WNT3A: variants seen among roughly 807,000 people sequenced by gnomAD.
WNT3A encodes Wnt family member 3A, also known as protein Wnt-3a.
In WNT3A, 17 loss-of-function variants were observed where a neutral mutation model predicts 37.0. That is an observed-to-expected ratio of 0.46 (90% CI 0.31 to 0.69). WNT3A has a LOEUF of 0.69. Among genes scored for constraint, WNT3A ranks in the 30% least tolerant of loss-of-function variants. The pLI, the probability that WNT3A is intolerant of heterozygous loss-of-function variation, is 0.05. For synonymous variants in WNT3A, 187 were observed against 211.0 expected (o/e 0.89, Z 0.99); for missense variants, 411 against 510.2 (o/e 0.81, Z 1.87).
chr1:228,053,740 T>C (rs952426255), intron 3 of WNT3A, among the ~76,000 whole-genome samples: 1 of 152,206 alleles, frequency 6.6e-6, no homozygotes, highest in African/African-American at 2.4e-5. Context: ...CTCAATGTTA[T>C]GAGTCATCAA....
At position 228,040,187 on chromosome 1, in the gene WNT3A, T is replaced by C. The variant is rs2031244798; in HGVS notation, c.314-10469T>C. ...GCCCATAATGATGAGTTCAGGGACC[T>C]CTCTTGGGACCCCTCTGTCTGGGCT... is the stretch of plus-strand genomic sequence containing the variant. On this transcript the variant is annotated intron_variant, in intron 2 of 3. Coordinates refer to ENST00000284523, the MANE Select transcript of WNT3A (RefSeq NM_033131.4). Among the ~76,000 whole-genome samples the C allele has an allele frequency of 2.6e-5, 4 of 152,202 alleles. No individual in the cohort carries two copies. In the South Asian group the frequency reaches 8.3e-4, roughly 32 times the overall value.
At chr1:228,013,240 G>A (rs1229030981) in intron 1 of WNT3A, among the ~76,000 whole-genome samples, 4 of 152,088 alleles carry the variant, frequency 2.6e-5, no homozygotes, top group South Asian at 4.1e-4. Context: ...GTTGAGATGG[G>A]GTCTTGCTCC....
intron 2 of WNT3A, among the ~76,000 whole-genome samples, chr1:228,025,487 C>G (rs532982024): frequency 1.3e-5 from 2 of 152,012 alleles, no homozygotes; most frequent in African/African-American, 4.8e-5. Flanking sequence ...TAGCAGGGAC[C>G]ACAGGCATGC....
Position 228,060,072 on chromosome 1 carries a change from GT to G in WNT3A, c.*608del, listed in dbSNP as rs2031769985. 2.5e-6 allele frequency: 3 copies of G among 1,210,752 alleles called. No individual in the cohort carries two copies. The African/African-American group carries it at 4.7e-5, about 19-fold the overall frequency. 75.0% of individuals were successfully genotyped at this position (1,210,752 alleles called of 1,614,324 possible). On this transcript the variant is annotated 3_prime_UTR_variant, in exon 4 of 4. Coordinates refer to ENST00000284523, the MANE Select transcript of WNT3A (RefSeq NM_033131.4). ...ACGGGGGCTGTGGCTCTGGGTGGGC[GT>G]GGCCTGCATAGGCTCCTTCCTGTGG...
intron 2 of WNT3A, among the ~76,000 whole-genome samples, chr1:228,035,537 T>G (rs1341669047): frequency 6.6e-6 from 1 of 152,126 alleles, no homozygotes; most frequent in Non-Finnish European, 1.5e-5. Context: ...GCAGAGAAGG[T>G]AGGACTCCAG....
At chr1:228,025,996 C>G (rs559907258) in intron 2 of WNT3A, among the ~76,000 whole-genome samples, 2 of 151,514 alleles carry the variant, frequency 1.3e-5, no homozygotes, top group South Asian at 2.1e-4. Context: ...TGGGCTCAAG[C>G]AATCCTCTCG....
chr1:228,058,743 T>A (rs745726026), intron 3 of WNT3A, among the ~76,000 whole-genome samples: 1 of 152,202 alleles, frequency 6.6e-6, no homozygotes, highest in Non-Finnish European at 1.5e-5. Flanking sequence ...AGTACTCAGC[T>A]AGGAGACGGG....
At chr1:228,049,511 G>A (rs1180414038) in intron 2 of WNT3A, among the ~76,000 whole-genome samples, 3 of 152,120 alleles carry the variant, frequency 2.0e-5, no homozygotes, top group Non-Finnish European at 4.4e-5. Context: ...GCACAGACAC[G>A]GGTTTCCTCT....
chr1:228,016,173 A>G (rs1276630223), intron 1 of WNT3A, among the ~76,000 whole-genome samples: 1 of 152,138 alleles, frequency 6.6e-6, no homozygotes, highest in Non-Finnish European at 1.5e-5. Context: ...CTGACTCCCC[A>G]GGGACTCAAC....
rs1325415719 is a variant in WNT3A at position 228,060,249 on chromosome 1, C to G, written c.*784C>G. ...AATTCAGCCCACCAGCCACCTCATC[C>G]CCAACCCCCTGTAAGGTTCCATCCA... On this transcript the variant is annotated 3_prime_UTR_variant, in exon 4 of 4. Transcript: ENST00000284523. 5 of 1,351,768 alleles carry G rather than the reference C, an allele frequency of 3.7e-6. No individual in the cohort carries two copies. The highest frequency in any genetic ancestry group is 4.9e-6 in the Non-Finnish European group (5 of 1,021,516). 83.7% of individuals were successfully genotyped at this position (1,351,768 alleles called of 1,614,324 possible). A position where few individuals can be genotyped will look rare whatever the true frequency, so the allele number is the denominator to read the frequency against.
intron 2 of WNT3A, among the ~76,000 whole-genome samples, chr1:228,035,246 T>C (rs2031109359): frequency 6.6e-6 from 1 of 152,184 alleles, no homozygotes; most frequent in Admixed American, 6.5e-5. Context: ...CATGGCCAGT[T>C]GAATCCTCAT....
chr1:228,017,287 G>A (rs1401119225), intron 1 of WNT3A, among the ~76,000 whole-genome samples: 1 of 152,150 alleles, frequency 6.6e-6, no homozygotes, highest in Admixed American at 6.5e-5. Context: ...GCTGGGTGGT[G>A]GTAGTAAGAG....
chr1:228,017,365 T>A (rs550375800), intron 1 of WNT3A, among the ~76,000 whole-genome samples: 24 of 151,840 alleles, frequency 1.6e-4, no homozygotes, highest in African/African-American at 5.8e-4. Flanking sequence ...GAGACAAGAG[T>A]GCTGGAAAGG....
rs1025283111 is a variant in WNT3A at position 228,059,477 on chromosome 1, G to A, written c.*12G>A. 2.0e-6 allele frequency: 3 copies of A among 1,494,484 alleles called. No homozygotes were observed. Among genetic ancestry groups the A allele is most frequent in the African/African-American group, 2.8e-5 (2 of 71,500 alleles). 92.6% of individuals were successfully genotyped at this position (1,494,484 alleles called of 1,614,324 possible). On this transcript the variant is annotated 3_prime_UTR_variant, in exon 4 of 4. Transcript: ENST00000284523. ...ACACCTGCAAGTAGGCACCGGCCGC[G>A]GCTCCCCCTGGACGGGGCGGGCCCT...
At chr1:228,021,925 G>A (rs914796693) in intron 1 of WNT3A, among the ~76,000 whole-genome samples, 8 of 152,248 alleles carry the variant, frequency 5.3e-5, no homozygotes, top group Admixed American at 3.3e-4. Flanking sequence ...GGCCCATGCA[G>A]TTGTGCTGAG....
chr1:228,020,961 A>G (rs771897741), intron 1 of WNT3A, among the ~76,000 whole-genome samples: 8 of 152,186 alleles, frequency 5.3e-5, no homozygotes, highest in Non-Finnish European at 1.2e-4. Context: ...ACAGGTGGTC[A>G]TAAGCATAAG....
intron 1 of WNT3A, among the ~76,000 whole-genome samples, chr1:228,010,738 C>T (rs375363480): frequency 6.6e-5 from 10 of 152,366 alleles, no homozygotes; most frequent in African/African-American, 2.4e-4. Flanking sequence ...CTTTTGCCTG[C>T]CCCTGGCCTG....
intron 2 of WNT3A, among the ~76,000 whole-genome samples, chr1:228,029,623 C>T (rs191989575): frequency 1.3e-5 from 2 of 152,326 alleles, no homozygotes; most frequent in East Asian, 1.9e-4. Context: ...CGCTGTCTCC[C>T]TCATTTTATA....
In WNT3A at chr1:228,055,178, AAATATATATATATATATATAT is replaced by A. The variant is rs1380558012; in HGVS notation, c.580-3806_580-3786del. ...CGTCCCAAAAAAAAAAAAAAAAAAAAAATATATATATATATATATATATATATATATATATATATATACACA... is the reference window on the plus strand; with the variant it reads ...CGTCCCAAAAAAAAAAAAAAAAAAAAATATATATATATATATATATACACA... On this transcript the variant is annotated intron_variant, in intron 3 of 3. Coordinates refer to ENST00000284523, the MANE Select transcript of WNT3A (RefSeq NM_033131.4). Among the ~76,000 whole-genome samples, 9 of 46,984 alleles carry A rather than the reference AAATATATATATATATATATAT, an allele frequency of 1.9e-4. No individual in the cohort carries two copies. The South Asian group carries it at 3.0e-3, about 15-fold the overall frequency. 30.8% of individuals were successfully genotyped at this position (46,984 alleles called of 152,430 possible).
Sources: allele counts gnomAD v4.1 joint callset (sites outside exome capture counted in the v4.1 genomes callset), GRCh38; gene constraint gnomAD v4.1.1; transcripts MANE v1.5; gene names NCBI Gene and HGNC (gene_info 2026-07-23, HGNC 2026-07-21).